ADK: variants seen among roughly 807,000 people sequenced by gnomAD.
ADK encodes adenosine kinase, also known as N6,N6-dimethyladenosine kinase.
ADK carries 24 observed loss-of-function variants against 44.7 expected under a neutral mutation model. The observed-to-expected ratio is 0.54, with a 90% confidence interval of 0.39 to 0.76. The LOEUF is 0.76. ADK is among the 30% of genes least tolerant of loss of function. The pLI, the probability that ADK is intolerant of heterozygous loss-of-function variation, is 0.00. For synonymous variants in ADK, 128 were observed against 142.6 expected (o/e 0.90, Z 0.73); for missense variants, 321 against 425.1 (o/e 0.76, Z 2.15).
At chr10:74,180,879 G>T (rs1189355049) in intron 1 of ADK, among the ~76,000 whole-genome samples, 2 of 152,170 alleles carry the variant, frequency 1.3e-5, no homozygotes, top group African/African-American at 4.8e-5. Flanking sequence ...CTGGACATTT[G>T]TTTAATGAAA....
intron 4 of ADK, among the ~76,000 whole-genome samples, chr10:74,376,542 A>G (rs910748023): frequency 1.5e-4 from 23 of 152,266 alleles, no homozygotes; most frequent in Middle Eastern, 3.4e-3. Context: ...CAGATGTCTT[A>G]TCATTTCATC....
chr10:74,553,310 C>T (rs1349398211), intron 7 of ADK, among the ~76,000 whole-genome samples: 3 of 145,136 alleles, frequency 2.1e-5, no homozygotes, highest in East Asian at 2.2e-4. Flanking sequence ...AAGCGATTCT[C>T]CTGCCTCAGC....
intron 6 of ADK, among the ~76,000 whole-genome samples, chr10:74,413,286 C>T (rs1844251080): frequency 6.6e-6 from 1 of 152,060 alleles, no homozygotes; most frequent in South Asian, 2.1e-4. Flanking sequence ...CAAGCATTTA[C>T]TTCTTTTTAG....
intron 6 of ADK, among the ~76,000 whole-genome samples, chr10:74,443,074 G>A (rs1052728118): frequency 2.6e-5 from 4 of 152,056 alleles, no homozygotes; most frequent in Non-Finnish European, 5.9e-5. Flanking sequence ...GGATGAATAC[G>A]TTCTGGAGAC....
intron 4 of ADK, among the ~76,000 whole-genome samples, chr10:74,352,487 G>A (rs1192067545): frequency 6.6e-6 from 1 of 152,108 alleles, no homozygotes; most frequent in African/African-American, 2.4e-5. Flanking sequence ...GAAAACCTAG[G>A]CAATACCATT....
intron 3 of ADK, among the ~76,000 whole-genome samples, chr10:74,230,810 T>C (rs1219318176): frequency 6.6e-6 from 1 of 151,800 alleles, no homozygotes; most frequent in Non-Finnish European, 1.5e-5. Context: ...GCCTCCTGAG[T>C]AGCTGGGACT....
intron 7 of ADK, among the ~76,000 whole-genome samples, chr10:74,571,221 TTCA>T (rs1454925295): frequency 6.6e-6 from 1 of 152,242 alleles, no homozygotes; most frequent in African/African-American, 2.4e-5. Flanking sequence ...TGCATTGATG[TTCA>T]TCAAGGATAT....
At chr10:74,598,684 C>T (rs578196479) in intron 8 of ADK, among the ~76,000 whole-genome samples, 1 of 152,106 alleles carries the variant, frequency 6.6e-6, no homozygotes, top group Non-Finnish European at 1.5e-5. Flanking sequence ...CTCTCGACCT[C>T]GTGATCTGCC....
chr10:74,385,658 T>C (rs1843116417), intron 4 of ADK, among the ~76,000 whole-genome samples: 1 of 152,226 alleles, frequency 6.6e-6, no homozygotes, highest in African/African-American at 2.4e-5. Flanking sequence ...GGCACTGTTG[T>C]CATCGTCAGC....
At chr10:74,703,811 A>G (rs908651670) in intron 10 of ADK, among the ~76,000 whole-genome samples, 2 of 152,216 alleles carry the variant, frequency 1.3e-5, no homozygotes, top group Admixed American at 6.5e-5. Context: ...TCAGAAGTAA[A>G]AAGACATTGT....
chr10:74,378,665 A>G (rs1231208274), intron 4 of ADK, among the ~76,000 whole-genome samples: 1 of 152,202 alleles, frequency 6.6e-6, no homozygotes, highest in Non-Finnish European at 1.5e-5. Flanking sequence ...ACACTTTACA[A>G]TGTTAAATAG....
chr10:74,226,739 T>C (rs1844559025), intron 3 of ADK, among the ~76,000 whole-genome samples: 1 of 152,174 alleles, frequency 6.6e-6, no homozygotes, highest in Non-Finnish European at 1.5e-5. Flanking sequence ...CCCTGTGTTT[T>C]TGAAATTCAT....
At chr10:74,245,376 C>CT (rs748533433) in intron 3 of ADK, among the ~76,000 whole-genome samples, 109 of 152,072 alleles carry the variant, frequency 7.2e-4, no homozygotes, top group Middle Eastern at 3.4e-3. Context: ...TAGCATTTGT[C>CT]TTTTTTAACT....
intron 4 of ADK, among the ~76,000 whole-genome samples, chr10:74,363,156 C>T (rs549840127): frequency 6.6e-6 from 1 of 152,300 alleles, no homozygotes; most frequent in African/African-American, 2.4e-5. Context: ...AGACTGGGCC[C>T]CTTCAGTATC....
chr10:74,254,842 C>T (rs1484688835), intron 3 of ADK, among the ~76,000 whole-genome samples: 3 of 152,132 alleles, frequency 2.0e-5, no homozygotes, highest in African/African-American at 7.2e-5. Flanking sequence ...AGTGTGATAC[C>T]TTCCTTTGTT....
intron 9 of ADK, among the ~76,000 whole-genome samples, chr10:74,630,226 G>A (rs1589313894): frequency 6.6e-6 from 1 of 151,746 alleles, no homozygotes; most frequent in African/African-American, 2.4e-5. Flanking sequence ...TAGAATTTTT[G>A]TCAAATAAAT....
chr10:74,533,582 C>T (rs915381984), intron 7 of ADK, among the ~76,000 whole-genome samples: 1 of 152,190 alleles, frequency 6.6e-6, no homozygotes, highest in Non-Finnish European at 1.5e-5. Context: ...TATCTAAAAA[C>T]GCAAACTTCA....
intron 10 of ADK, among the ~76,000 whole-genome samples, chr10:74,704,493 C>A (rs1279844172): frequency 6.6e-6 from 1 of 152,114 alleles, no homozygotes; most frequent in Non-Finnish European, 1.5e-5. Flanking sequence ...TTTGAAGATT[C>A]CACTTATAAC....
At chr10:74,328,857 C>A (rs1183277859) in intron 4 of ADK, among the ~76,000 whole-genome samples, 8 of 151,796 alleles carry the variant, frequency 5.3e-5, no homozygotes, top group Non-Finnish European at 1.2e-4. Context: ...TGGACTAATA[C>A]ACTGTTCTCA....
Sources: gnomAD v4.1 joint callset for allele counts (sites outside exome capture counted in the v4.1 genomes callset) on GRCh38, gnomAD v4.1.1 for gene constraint, MANE v1.5 for transcripts, NCBI Gene and HGNC (gene_info 2026-07-23, HGNC 2026-07-21) for gene names.